The following COL24A1 variants were observed in gnomAD, a reference collection of about 807,000 sequenced individuals.
COL24A1 encodes the protein collagen alpha-1(XXIV) chain.
COL24A1 carries 224 observed loss-of-function variants against 253.9 expected under a neutral mutation model. The observed-to-expected ratio is 0.88, with a 90% confidence interval of 0.79 to 0.99. The LOEUF (loss-of-function observed/expected upper bound fraction) is 0.99. Ranked by LOEUF, COL24A1 falls within the 50% of genes least tolerant of loss-of-function variation. The pLI is 0.00. For missense variants in COL24A1, 2,131 were observed against 2,068.5 expected (o/e 1.03, Z -0.59); for synonymous variants, 685 against 673.7 (o/e 1.02, Z -0.26).
In COL24A1 at chr1:86,050,136, A is replaced by C. The variant is rs771570273; in HGVS notation, c.1893T>G (p.Pro631=). 6.2e-7 allele frequency: 1 copy of C among 1,613,408 alleles called. No individual in the cohort carries two copies. Among genetic ancestry groups the C allele is most frequent in the South Asian group, 1.1e-5 (1 of 91,048 alleles). Residue 631 remains proline (P), a synonymous_variant, in exon 11 of 60, where the codon CCT becomes CCG. Transcript: ENST00000370571. ...GSPGEAGQLG[P]EGERGIPGIR... ...GGAATGGACTTACCCGTTCTCCTTC[A>C]GGTCCCAGTTGTCCCGCTTCTCCAG...
At position 85,840,293 on chromosome 1, in the gene COL24A1, C is replaced by T. The variant is rs139014973; in HGVS notation, c.3627+929G>A. On this transcript the variant is annotated intron_variant, in intron 42 of 59. Coordinates refer to ENST00000370571, the MANE Select transcript of COL24A1 (RefSeq NM_152890.7). ...ACATTATTTCCATATATTTCCCTCT[C>T]TTAGTGGTTTAGAGAGACTAGAATA... is the stretch of plus-strand genomic sequence containing the variant. 2.8e-3 allele frequency among the ~76,000 whole-genome samples: 429 copies of T among 152,216 alleles called. 4 individuals carry two copies. Among genetic ancestry groups the T allele is most frequent in the African/African-American group, 9.2e-3 (384 of 41,562 alleles).
chr1:85,945,115 T>C (rs1183095215), intron 24 of COL24A1, among the ~76,000 whole-genome samples: 1 of 139,020 alleles, frequency 7.2e-6, no homozygotes, highest in Non-Finnish European at 1.5e-5. Flanking sequence ...CCTCCCAGGT[T>C]CAAGCAATTC....
intron 10 of COL24A1, among the ~76,000 whole-genome samples, chr1:86,053,419 T>C (rs964731029): frequency 6.6e-6 from 1 of 152,126 alleles, no homozygotes; most frequent in Non-Finnish European, 1.5e-5. Flanking sequence ...AGGTGTTTCA[T>C]AGAGGTTTCT....
chr1:86,059,554 G>T (rs1700922665), intron 8 of COL24A1, among the ~76,000 whole-genome samples: 1 of 152,104 alleles, frequency 6.6e-6, no homozygotes, highest in South Asian at 2.1e-4. Context: ...GTCTGAGCAT[G>T]AGCCCCAGAA....
intron 47 of COL24A1, among the ~76,000 whole-genome samples, chr1:85,805,850 C>T (rs772293044): frequency 4.6e-5 from 7 of 152,018 alleles, no homozygotes; most frequent in South Asian, 2.1e-4. Flanking sequence ...CCGAGGTGGG[C>T]GGATCACGAG....
intron 52 of COL24A1, among the ~76,000 whole-genome samples, chr1:85,780,069 A>T (rs998289035): frequency 6.6e-6 from 1 of 152,168 alleles, no homozygotes. Context: ...TGTGTCCCTT[A>T]GCTTGCTGAA....
intron 12 of COL24A1, among the ~76,000 whole-genome samples, chr1:86,035,733 T>A (rs562580619): frequency 8.5e-5 from 13 of 152,242 alleles, no homozygotes; most frequent in African/African-American, 2.9e-4. Flanking sequence ...GTGAATTATA[T>A]CTCAATAAAG....
At chr1:86,050,258 T>C in intron 10 of COL24A1, 81 bp from the exon 11 acceptor site, 1 of 1,226,456 alleles carries the variant, frequency 8.2e-7, no homozygotes, top group Non-Finnish European at 1.2e-6. Context: ...GTACTTAAAA[T>C]TTTATTTGTA....
At chr1:85,891,381 C>T (rs1333568103) in intron 31 of COL24A1, among the ~76,000 whole-genome samples, 1 of 152,042 alleles carries the variant, frequency 6.6e-6, no homozygotes, top group East Asian at 1.9e-4. Context: ...GCATCTTCTA[C>T]ATTATTGATC....
intron 47 of COL24A1, among the ~76,000 whole-genome samples, chr1:85,789,976 AT>A (rs1670092204): frequency 6.6e-6 from 1 of 152,122 alleles, no homozygotes; most frequent in African/African-American, 2.4e-5. Flanking sequence ...AGGATTTTGC[AT>A]TGATGTTCAG....
intron 19 of COL24A1, among the ~76,000 whole-genome samples, chr1:86,012,056 C>A (rs1383481764): frequency 6.6e-6 from 1 of 151,958 alleles, no homozygotes; most frequent in Non-Finnish European, 1.5e-5. Flanking sequence ...TAGGCTCAAG[C>A]AATCTTCTCA....
At chr1:85,871,189 A>T (rs1431136397) in intron 35 of COL24A1, among the ~76,000 whole-genome samples, 1 of 152,196 alleles carries the variant, frequency 6.6e-6, no homozygotes, top group African/African-American at 2.4e-5. Context: ...TAGGCTCTAA[A>T]TTGAGTCAAT....
At chr1:85,926,601 G>T (rs1030887989) in intron 24 of COL24A1, among the ~76,000 whole-genome samples, 33 of 152,042 alleles carry the variant, frequency 2.2e-4, no homozygotes, top group Admixed American at 1.0e-3. Flanking sequence ...CTCACTCATA[G>T]GTGGGAATTG....
At chr1:85,983,785 A>C (rs1016320713) in intron 20 of COL24A1, among the ~76,000 whole-genome samples, 2 of 151,884 alleles carry the variant, frequency 1.3e-5, no homozygotes, top group African/African-American at 4.8e-5. Context: ...AAACAATTTC[A>C]ACAAAAATGA....
intron 24 of COL24A1, among the ~76,000 whole-genome samples, chr1:85,944,315 T>A (rs533423149): frequency 1.3e-5 from 2 of 152,360 alleles, no homozygotes; most frequent in South Asian, 4.1e-4. Flanking sequence ...ATAACTGATA[T>A]GCAACTGTCA....
chr1:85,801,984 C>T (rs1432971976), intron 47 of COL24A1, among the ~76,000 whole-genome samples: 1 of 152,118 alleles, frequency 6.6e-6, no homozygotes, highest in Non-Finnish European at 1.5e-5. Context: ...AATATCAAGT[C>T]CTACTAAAGC....
rs1310051259 is a variant in COL24A1, at chr1:86,017,293, G to A, written c.2257-89C>T. On this transcript the variant is annotated intron_variant, in intron 18 of 59. Coordinates refer to ENST00000370571, the MANE Select transcript of COL24A1 (RefSeq NM_152890.7). ...ACAGGCATATGGTAAACAAATAGCA[G>A]TCAGTCATTATATTATCATGTCAAA... 4.5e-6 allele frequency: 5 copies of A among 1,112,220 alleles called. No individual in the cohort carries two copies. The South Asian group carries it at 6.3e-5, about 14-fold the overall frequency. The allele number at this position is 1,112,220 out of a possible 1,614,324, so 68.9% of individuals were successfully genotyped here.
At chr1:85,842,024 T>C (rs759558184) in intron 41 of COL24A1, 44 bp downstream of exon 41, 1 of 1,532,972 alleles carries the variant, frequency 6.5e-7, no homozygotes, top group Non-Finnish European at 9.0e-7. Context: ...ATTCATGAAC[T>C]CAATGTTTAA....
chr1:86,000,894 A>G (rs1202999296), intron 19 of COL24A1, among the ~76,000 whole-genome samples: 3 of 152,224 alleles, frequency 2.0e-5, no homozygotes, highest in Non-Finnish European at 4.4e-5. Flanking sequence ...CCATCCTGCT[A>G]CCATATAAGA....
Sources: gnomAD v4.1 joint callset for allele counts (sites outside exome capture counted in the v4.1 genomes callset) on GRCh38, gnomAD v4.1.1 for gene constraint, MANE v1.5 for transcripts, NCBI Gene and HGNC (gene_info 2026-07-23, HGNC 2026-07-21) for gene names.